Variants in ZNF408 observed in about 807,000 individuals in gnomAD.
ZNF408 encodes the protein PR domain zinc finger protein 17.
ZNF408 carries 24 observed loss-of-function variants against 27.6 expected under a neutral mutation model. The ratio of observed to expected loss-of-function variants is 0.87; its 90% confidence interval spans 0.63 to 1.22. ZNF408 has a LOEUF of 1.22. Ranked by LOEUF, ZNF408 falls within the 50% of genes most tolerant of loss-of-function variation. ZNF408 has a pLI of 0.00. For synonymous variants in ZNF408, 410 were observed against 396.1 expected (o/e 1.04, Z -0.42); for missense variants, 897 against 949.0 (o/e 0.95, Z 0.72).
Position 46,705,465 on chromosome 11 carries a change from A to G in ZNF408, c.1765A>G (p.Thr589Ala). 6.2e-7 allele frequency: 1 copy of G among 1,606,968 alleles called. No homozygotes were observed. The highest frequency in any genetic ancestry group is 8.5e-7 in the Non-Finnish European group (1 of 1,179,856). Residue 589 changes from threonine to alanine, a missense_variant, in exon 5 of 5, where the codon ACG becomes GCG. Thr to Ala is a moderately conservative substitution (Grantham distance 58). Transcript: ENST00000311764. This position sits in a 1 kb window ranked among gnomAD's most constrained non-coding sequence, Gnocchi z 6.5. ...FPCPQCGRAYTLATKLRRHLK... is the reference protein window; with the variant it reads ...FPCPQCGRAYALATKLRRHLK... Reference sequence around the variant, plus strand: ...CTGTCCCCAGTGTGGCCGTGCTTACACGCTGGCCACCAAGCTGCGGCGCCA... The same window carrying G: ...CTGTCCCCAGTGTGGCCGTGCTTACGCGCTGGCCACCAAGCTGCGGCGCCA...
chr11:46,704,061 ATG>A (rs1217979823), intron 4 of ZNF408, among the ~76,000 whole-genome samples: 4 of 151,808 alleles, frequency 2.6e-5, no homozygotes, highest in African/African-American at 9.7e-5. Flanking sequence ...CATCCTAAAT[ATG>A]TGTCTCCAGG....
Position 46,705,223 on chromosome 11 carries a change from G to T in ZNF408, c.1523G>T (p.Arg508Leu), listed in dbSNP as rs1450461398. 3 of 1,611,928 alleles carry T rather than the reference G, an allele frequency of 1.9e-6. No homozygotes were observed. The highest frequency in any genetic ancestry group is 2.5e-6 in the Non-Finnish European group (3 of 1,179,890). ...CACTGTGGCCGGGCGTTTCGTCAGC[G>T]GGGCAACCTGCGTGGGCATTTGCGG... ...CPHCGRAFRQ[R>L]GNLRGHLRLH... The change falls in exon 5 of 5, where the codon CGG becomes CTG. Residue 508 changes from arginine (R) to leucine (L), a missense_variant. Coordinates refer to ENST00000311764, the MANE Select transcript of ZNF408 (RefSeq NM_024741.3). The surrounding 1 kb of genome is among the most constrained non-coding windows in gnomAD (Gnocchi z 6.5).
In ZNF408 at chr11:46,705,628, C is replaced by G. The variant is rs757827254; in HGVS notation, c.1928C>G (p.Ala643Gly). 2 of 1,613,002 alleles carry G rather than the reference C, an allele frequency of 1.2e-6. No individual in the cohort carries two copies. Among genetic ancestry groups the G allele is most frequent in the East Asian group, 4.5e-5 (2 of 44,890 alleles). ...TGCAGCCCACCCTCTGTGCCTTCTG[C>G]TGCTTCTGAGCCCACTGTGGTGCTC... is the stretch of plus-strand genomic sequence containing the variant. ...APCSPPSVPS[A>G]ASEPTVVLLQ... is the part of the protein sequence containing the mutation. Residue 643 changes from alanine to glycine, a missense_variant, in exon 5 of 5, where the codon GCT becomes GGT. Physicochemically the swap from Ala to Gly is moderately conservative, Grantham distance 60. Transcript: ENST00000311764. The surrounding 1 kb of genome is among the most constrained non-coding windows in gnomAD (Gnocchi z 6.5).
chr11:46,701,759 A>C, intron 2 of ZNF408, 83 bp downstream of exon 2: 2 of 1,418,474 alleles, frequency 1.4e-6, no homozygotes, highest in Non-Finnish European at 1.9e-6. Context: ...TTCAATTTGA[A>C]GAAAGAGAGT....
Position 46,705,844 on chromosome 11 carries a change from AG to A in ZNF408, c.2146del (p.Val716TrpfsTer12). The A allele has an allele frequency of 6.2e-7, 1 of 1,612,076 alleles. No individual in the cohort carries two copies. The highest frequency in any genetic ancestry group is 8.5e-7 in the Non-Finnish European group (1 of 1,179,158). On this transcript the variant is annotated frameshift_variant, in exon 5 of 5. Transcript: ENST00000311764. LOFTEE classifies it high-confidence loss of function. The surrounding 1 kb of genome is among the most constrained non-coding windows in gnomAD (Gnocchi z 6.5). ...MGLGAWAEVV[E>X]VEMGT ...CTCGGCGCCTGGGCAGAGGTGGTGG[AG>A]GTGGAGATGGGCACCTGACAGCTTT...
rs1254866110 is a variant in ZNF408, at chr11:46,701,427, A to C, written c.81A>C (p.Leu27Phe). 7 of 1,613,688 alleles carry C rather than the reference A, an allele frequency of 4.3e-6. No homozygotes were observed. The highest frequency in any genetic ancestry group is 4.2e-6 in the Non-Finnish European group (5 of 1,179,938). ...LAREPRLGLD[L>F]GWNPSGEGCT... Reference sequence around the variant, plus strand: ...GCGAGCCGCGCCTGGGCCTGGACTTAGGATGGAACCCTTCCGGAGAAGGCT... The same window carrying C: ...GCGAGCCGCGCCTGGGCCTGGACTTCGGATGGAACCCTTCCGGAGAAGGCT... Residue 27 changes from leucine (L) to phenylalanine (F), a missense_variant, in exon 2 of 5, where the codon TTA (leucine) becomes TTC (phenylalanine). Leu to Phe is a conservative substitution (Grantham distance 22, BLOSUM62 0). Transcript: ENST00000311764.
chr11:46,703,752 G>T (rs1169560623), intron 4 of ZNF408, among the ~76,000 whole-genome samples: 17 of 116,902 alleles, frequency 1.5e-4, no homozygotes, highest in African/African-American at 2.6e-4. Context: ...TTTTGTTGTT[G>T]TTGTTGTTGT....
chr11:46,704,345 C>A lies in ZNF408; in HGVS notation c.653-8C>A. On this transcript the variant is annotated splice_region_variant and splice_polypyrimidine_tract_variant and intron_variant, in intron 4 of 4. Transcript: ENST00000311764. ...CCCTAAACCCAGTACCCCATCCTTG[C>A]CTTGCAGATCCTGGTTCCCAGTCAC... The A allele has an allele frequency of 6.3e-7, 1 of 1,575,604 alleles. No individual in the cohort carries two copies. The highest frequency in any genetic ancestry group is 1.2e-5 in the South Asian group (1 of 84,138).
At position 46,702,762 on chromosome 11, in the gene ZNF408, C is replaced by G; in HGVS notation, c.389C>G (p.Thr130Ser). 2.5e-6 allele frequency: 4 copies of G among 1,614,144 alleles called. No individual in the cohort carries two copies. The highest frequency in any genetic ancestry group is 3.4e-6 in the Non-Finnish European group (4 of 1,180,006). Residue 130 changes from threonine (T) to serine (S), a missense_variant, in exon 3 of 5, where the codon ACT becomes AGT. Transcript: ENST00000311764. ...GCCTGTGAGCAGAGTTCTGGCTGGA[C>G]TAGGTAAGTCAGAGGAGAGTGTGTC... ...VCACEQSSGWTSLVQRGRLES... is the reference protein window; with the variant it reads ...VCACEQSSGWSSLVQRGRLES...
In ZNF408 at chr11:46,704,697, C is replaced by T; in HGVS notation, c.997C>T (p.Pro333Ser). ...PEPGAQQSGF[P>S]TLSRSPPGPA... ...GCCTGGAGCCCAGCAGTCTGGCTTC[C>T]CTACACTCTCGCGGAGCCCTCCTGG... The change falls in exon 5 of 5, where the codon CCT becomes TCT. Residue 333 changes from proline to serine, a missense_variant. By Grantham distance (74) the Pro-to-Ser change is moderately conservative. Coordinates refer to ENST00000311764, the MANE Select transcript of ZNF408 (RefSeq NM_024741.3). 2 of 1,611,552 alleles carry T rather than the reference C, an allele frequency of 1.2e-6. No individual in the cohort carries two copies. Among genetic ancestry groups the T allele is most frequent in the South Asian group, 1.1e-5 (1 of 90,884 alleles).
chr11:46,704,818 T>A lies in ZNF408; in HGVS notation c.1118T>A (p.Phe373Tyr). ...LQLCHLKKHA[F>Y]VHTGHKPFLC... is the part of the protein sequence containing the mutation. ...CTGTGCCACCTAAAGAAGCACGCAT[T>A]TGTGCACACGGGCCACAAGCCCTTT... is the stretch of plus-strand genomic sequence containing the variant. The change falls in exon 5 of 5, where the codon TTT (phenylalanine) becomes TAT (tyrosine). Residue 373 changes from phenylalanine (F) to tyrosine (Y), a missense_variant. Transcript: ENST00000311764. 6.2e-7 allele frequency: 1 copy of A among 1,601,100 alleles called. No homozygotes were observed. Among genetic ancestry groups the A allele is most frequent in the Non-Finnish European group, 8.5e-7 (1 of 1,172,976 alleles).
intron 2 of ZNF408, chr11:46,701,934 G>C (rs895482763): frequency 4.7e-5 from 17 of 364,218 alleles, no homozygotes; most frequent in African/African-American, 3.5e-4. Flanking sequence ...AATTAAGAAA[G>C]CATGGGATCA....
In ZNF408 at chr11:46,704,477, C is replaced by G; in HGVS notation, c.777C>G (p.Gly259=). The G allele has an allele frequency of 1.2e-6, 2 of 1,614,092 alleles. No homozygotes were observed. The highest frequency in any genetic ancestry group is 1.7e-6 in the Non-Finnish European group (2 of 1,180,024). The change falls in exon 5 of 5, where the codon GGC becomes GGG. Residue 259 remains glycine (G), a synonymous_variant. Coordinates refer to ENST00000311764, the MANE Select transcript of ZNF408 (RefSeq NM_024741.3). ...SQPLGPLLQD[G]DVDEECPAQA... is the part of the protein sequence containing the mutation. ...CACTTGGCCCATTGCTTCAGGATGG[C>G]GACGTGGATGAGGAATGCCCGGCCC... is the stretch of plus-strand genomic sequence containing the variant.
At position 46,703,259 on chromosome 11, in the gene ZNF408, ATGC is replaced by A. The variant is rs1215766642; in HGVS notation, c.652+19_652+21del. 1 of 1,596,684 alleles carries A rather than the reference ATGC, an allele frequency of 6.3e-7. No individual in the cohort carries two copies. The highest frequency in any genetic ancestry group is 2.2e-5 in the East Asian group (1 of 44,548). On this transcript the variant is annotated intron_variant, in intron 4 of 4. Coordinates refer to ENST00000311764, the MANE Select transcript of ZNF408 (RefSeq NM_024741.3). ...CCTTGCATAGGTATGTGTCAAATAAATGCTGGTTTCCCAGCAATTTCCCCACCA... is the reference window on the plus strand; with the variant it reads ...CCTTGCATAGGTATGTGTCAAATAAATGGTTTCCCAGCAATTTCCCCACCA...
Position 46,705,548 on chromosome 11 carries a change from C to A in ZNF408, c.1848C>A (p.Tyr616Ter). 6.2e-7 allele frequency: 1 copy of A among 1,605,114 alleles called. No individual in the cohort carries two copies. ...PYRCPTCGMG[Y>*]TLPQSLRRHQ... ...GCTGCCCCACCTGTGGCATGGGCTA[C>A]ACCCTCCCGCAGAGCCTCAGGCGGC... is the stretch of plus-strand genomic sequence containing the variant. Residue 616 changes from tyrosine to a stop codon, truncating the protein, a stop_gained, in exon 5 of 5, where the codon TAC becomes TAA. Transcript: ENST00000311764. LOFTEE classifies it low-confidence loss of function (END_TRUNC). The surrounding 1 kb of genome is among the most constrained non-coding windows in gnomAD (Gnocchi z 6.5).
rs781580984 is a variant in ZNF408, at chr11:46,704,693, C to G, written c.993C>G (p.Gly331=). ...KTPEPGAQQS[G]FPTLSRSPPG... is the part of the protein sequence containing the mutation. ...CAGAGCCTGGAGCCCAGCAGTCTGG[C>G]TTCCCTACACTCTCGCGGAGCCCTC... is the stretch of plus-strand genomic sequence containing the variant. Residue 331 remains glycine (G), a synonymous_variant, in exon 5 of 5, where the codon GGC becomes GGG. Coordinates refer to ENST00000311764, the MANE Select transcript of ZNF408 (RefSeq NM_024741.3). The G allele has an allele frequency of 6.2e-7, 1 of 1,611,496 alleles. No individual in the cohort carries two copies. Among genetic ancestry groups the G allele is most frequent in the Admixed American group, 1.7e-5 (1 of 59,594 alleles).
In ZNF408 at chr11:46,704,690, T is replaced by G. The variant is rs1437492237; in HGVS notation, c.990T>G (p.Ser330=). 2 of 1,612,374 alleles carry G rather than the reference T, an allele frequency of 1.2e-6. No homozygotes were observed. The highest frequency in any genetic ancestry group is 4.5e-5 in the East Asian group (2 of 44,830). The part of the protein sequence containing the change: ...AKTPEPGAQQ[S]GFPTLSRSPP... ...CCCCAGAGCCTGGAGCCCAGCAGTC[T>G]GGCTTCCCTACACTCTCGCGGAGCC... The change falls in exon 5 of 5, where the codon TCT becomes TCG. Residue 330 remains serine (S), a synonymous_variant. Coordinates refer to ENST00000311764, the MANE Select transcript of ZNF408 (RefSeq NM_024741.3).
At position 46,702,787 on chromosome 11, in the gene ZNF408, C is replaced by T. The variant is rs563876787; in HGVS notation, c.392+22C>T. ...CTAGGTAAGTCAGAGGAGAGTGTGT[C>T]GTTCCTTTGAGGTTTTCTGTTGTGG... is the stretch of plus-strand genomic sequence containing the variant. On this transcript the variant is annotated intron_variant, in intron 3 of 4. Coordinates refer to ENST00000311764, the MANE Select transcript of ZNF408 (RefSeq NM_024741.3). The T allele has an allele frequency of 8.1e-6, 13 of 1,613,524 alleles. No homozygotes were observed. In the East Asian group the frequency reaches 1.8e-4, roughly 22 times the overall value.
At position 46,705,260 on chromosome 11, in the gene ZNF408, G is replaced by A. The variant is rs2134510810; in HGVS notation, c.1560G>A (p.Gly520=). 1 of 1,612,152 alleles carries A rather than the reference G, an allele frequency of 6.2e-7. No individual in the cohort carries two copies. Among genetic ancestry groups the A allele is most frequent in the Non-Finnish European group, 8.5e-7 (1 of 1,179,906 alleles). ...GTGGGCATTTGCGGCTCCACACCGG[G>A]GAGCGTCCTTACCGCTGCCCACACT... is the stretch of plus-strand genomic sequence containing the variant. ...NLRGHLRLHT[G]ERPYRCPHCA... Residue 520 remains glycine, a synonymous_variant, in exon 5 of 5, where the codon GGG becomes GGA. Transcript: ENST00000311764. The surrounding 1 kb of genome is among the most constrained non-coding windows in gnomAD (Gnocchi z 6.5).
Sources: gnomAD v4.1 joint callset for allele counts (sites outside exome capture counted in the v4.1 genomes callset) on GRCh38, gnomAD v4.1.1 for gene constraint, Gnocchi (gnomAD v3.1) non-coding constraint, MANE v1.5 for transcripts, NCBI Gene and HGNC (gene_info 2026-07-23, HGNC 2026-07-21) for gene names.